SGMS1: variants seen among roughly 807,000 people sequenced by gnomAD.
SGMS1 encodes the protein phosphatidylcholine:ceramide cholinephosphotransferase 1.
In SGMS1, 13 loss-of-function variants were observed where a neutral mutation model predicts 46.2. The observed-to-expected ratio is 0.28, with a 90% confidence interval of 0.18 to 0.45. The LOEUF (loss-of-function observed/expected upper bound fraction) is 0.45, where lower values mean the gene tolerates loss of function less well. SGMS1 is among the 20% of genes least tolerant of loss of function. The pLI, the probability that SGMS1 is intolerant of heterozygous loss-of-function variation, is 1.00. For missense variants in SGMS1, 324 were observed against 519.9 expected, an observed-to-expected ratio of 0.62 and a Z score of 3.66; for synonymous variants, 203 against 187.8, an observed-to-expected ratio of 1.08 and a Z score of -0.66.
chr10:50,624,543 G>C (rs1289386191), upstream of SGMS1: 1 of 970,604 alleles, frequency 1.0e-6, no homozygotes, highest in Admixed American at 6.2e-5. Flanking sequence ...AGGCGCAAGA[G>C]CTCTAACCGC....
chr10:50,486,058 A>T (rs1457239674), intron 3 of SGMS1, among the ~76,000 whole-genome samples: 6 of 152,202 alleles, frequency 3.9e-5, no homozygotes, highest in African/African-American at 1.4e-4. Context: ...GACAAAAACA[A>T]GCAATGGGGA....
At chr10:50,331,931 C>T (rs551278780) in intron 7 of SGMS1, among the ~76,000 whole-genome samples, 1 of 152,306 alleles carries the variant, frequency 6.6e-6, no homozygotes, top group East Asian at 1.9e-4. Flanking sequence ...GGACTTCCAG[C>T]ATCCAGAATG....
chr10:50,360,213 C>T (rs1848224890), intron 6 of SGMS1, among the ~76,000 whole-genome samples: 4 of 152,114 alleles, frequency 2.6e-5, no homozygotes, highest in Admixed American at 2.6e-4. Flanking sequence ...CATAATGGTC[C>T]AGGCGTACAA....
intron 6 of SGMS1, among the ~76,000 whole-genome samples, chr10:50,358,827 A>G (rs1037184062): frequency 6.6e-6 from 1 of 152,274 alleles, no homozygotes; most frequent in African/African-American, 2.4e-5. Context: ...AATAAGGTAT[A>G]GATTTGTTAT....
intron 2 of SGMS1, among the ~76,000 whole-genome samples, chr10:50,542,028 C>T (rs148177077): frequency 1.1e-4 from 17 of 152,218 alleles, no homozygotes; most frequent in Admixed American, 9.2e-4. Context: ...CTAAAATCAC[C>T]GTGGCAGGAA....
chr10:50,362,692 C>T (rs1848268986), intron 6 of SGMS1, among the ~76,000 whole-genome samples: 1 of 152,082 alleles, frequency 6.6e-6, no homozygotes, highest in Non-Finnish European at 1.5e-5. Context: ...GGAGATTTGC[C>T]AGGTGTGACA....
In SGMS1 at chr10:50,409,223, T is replaced by G. The variant is rs117754690; in HGVS notation, c.-232+24253A>C. 4.6e-3 allele frequency among the ~76,000 whole-genome samples: 694 copies of G among 152,372 alleles called. 3 individuals carry two copies. The highest frequency in any genetic ancestry group is 0.023 in the South Asian group (111 of 4,830). On this transcript the variant is annotated intron_variant, in intron 6 of 10. Coordinates refer to ENST00000361781, the MANE Select transcript of SGMS1 (RefSeq NM_147156.4). ...TATTTGAGATATCCATGACCTCCAG[T>G]ATTTATTATTTCCATGTGCTGGGAA...
At chr10:50,344,804 G>A (rs1448054230) in intron 6 of SGMS1, among the ~76,000 whole-genome samples, 1 of 151,804 alleles carries the variant, frequency 6.6e-6, no homozygotes, top group East Asian at 1.9e-4. Context: ...CCCGGGAGGC[G>A]GAGCTTGCAG....
intron 8 of SGMS1, among the ~76,000 whole-genome samples, chr10:50,322,748 C>T (rs1229279012): frequency 5.5e-5 from 8 of 144,660 alleles, no homozygotes; most frequent in African/African-American, 1.8e-4. Flanking sequence ...AGGAGAATGG[C>T]GTGAACCCGG....
intron 2 of SGMS1, among the ~76,000 whole-genome samples, chr10:50,524,178 TG>T (rs1837879534): frequency 6.6e-6 from 1 of 152,228 alleles, no homozygotes; most frequent in Admixed American, 6.5e-5. Flanking sequence ...CTAATATTCT[TG>T]GGGCTCTTAG....
chr10:50,505,548 T>C (rs1303320365), intron 3 of SGMS1, among the ~76,000 whole-genome samples: 1 of 152,162 alleles, frequency 6.6e-6, no homozygotes, highest in Non-Finnish European at 1.5e-5. Context: ...GTCACTCAAG[T>C]TTGAAAAGGA....
At chr10:50,414,254 A>G (rs1849138336) in intron 6 of SGMS1, among the ~76,000 whole-genome samples, 1 of 152,202 alleles carries the variant, frequency 6.6e-6, no homozygotes, top group Non-Finnish European at 1.5e-5. Flanking sequence ...AAATATTAAA[A>G]AATTAGCCAG....
At chr10:50,587,572 C>A (rs563929575) in intron 2 of SGMS1, among the ~76,000 whole-genome samples, 1 of 150,672 alleles carries the variant, frequency 6.6e-6, no homozygotes, top group Non-Finnish European at 1.5e-5. Flanking sequence ...TGCAGTGAGC[C>A]GAGATCGTGC....
chr10:50,316,562 ATAT>A (rs915294630), intron 8 of SGMS1, among the ~76,000 whole-genome samples: 1 of 152,202 alleles, frequency 6.6e-6, no homozygotes, highest in Admixed American at 6.5e-5. Context: ...TGCAGAAGTA[ATAT>A]TATACTATTC....
intron 7 of SGMS1, chr10:50,341,178 G>T (rs1312634937): frequency 2.9e-6 from 1 of 343,006 alleles, no homozygotes; most frequent in Admixed American, 3.7e-5. Context: ...TAAATAACTA[G>T]AAACAAAGGG....
intron 2 of SGMS1, among the ~76,000 whole-genome samples, chr10:50,578,650 G>A (rs1280832479): frequency 3.9e-5 from 6 of 151,982 alleles, no homozygotes; most frequent in South Asian, 4.2e-4. Context: ...GCTCACCACC[G>A]CAGGTATGTG....
intron 3 of SGMS1, among the ~76,000 whole-genome samples, chr10:50,475,104 A>G (rs1339759949): frequency 2.6e-5 from 4 of 152,192 alleles, no homozygotes; most frequent in African/African-American, 4.8e-5. Flanking sequence ...CAATAAGGCT[A>G]TGCACTTTTG....
chr10:50,352,858 G>C (rs141598070), intron 6 of SGMS1, among the ~76,000 whole-genome samples: 1 of 152,056 alleles, frequency 6.6e-6, no homozygotes, highest in Admixed American at 6.6e-5. Flanking sequence ...TAAATTCCCC[G>C]ACACATACAC....
At chr10:50,434,943 ATCT>A (rs559028941) in intron 5 of SGMS1, among the ~76,000 whole-genome samples, 229 of 151,906 alleles carry the variant, frequency 1.5e-3, no homozygotes, top group Non-Finnish European at 3.0e-3. Flanking sequence ...AAATATAGAG[ATCT>A]TCTCTAATAA....
Sources: allele counts gnomAD v4.1 joint callset (sites outside exome capture counted in the v4.1 genomes callset), GRCh38; gene constraint gnomAD v4.1.1; transcripts MANE v1.5; gene names NCBI Gene and HGNC (gene_info 2026-07-23, HGNC 2026-07-21).